PCDHGB1: variants seen among roughly 807,000 people sequenced by gnomAD.
PCDHGB1 encodes the protein protocadherin gamma subfamily B, 1.
In PCDHGB1, 34 loss-of-function variants were observed where a neutral mutation model predicts 56.6. That is an observed-to-expected ratio of 0.60 (90% CI 0.46 to 0.80). The LOEUF (loss-of-function observed/expected upper bound fraction) is 0.80. Ranked by LOEUF, PCDHGB1 falls within the 30% of genes least tolerant of loss-of-function variation. PCDHGB1 has a pLI of 0.00. For synonymous variants in PCDHGB1, 561 were observed against 505.9 expected (o/e 1.11, Z -1.46); for missense variants, 1,278 against 1,204.6 (o/e 1.06, Z -0.90).
intron 1 of PCDHGB1, among the ~76,000 whole-genome samples, chr5:141,363,900 A>G (rs1443403016): frequency 6.6e-6 from 1 of 152,258 alleles, no homozygotes; most frequent in Non-Finnish European, 1.5e-5. Flanking sequence ...CCGATGACGC[A>G]TTAAATAAAA....
At chr5:141,359,254 A>C (rs1276865273) in intron 1 of PCDHGB1, among the ~76,000 whole-genome samples, 3 of 152,162 alleles carry the variant, frequency 2.0e-5, no homozygotes, top group Non-Finnish European at 4.4e-5. Flanking sequence ...TTAAGCCATA[A>C]AATATAATTT....
intron 1 of PCDHGB1, chr5:141,389,990 C>A (rs2091998485): frequency 6.2e-7 from 1 of 1,613,926 alleles, no homozygotes; most frequent in African/African-American, 1.3e-5. Flanking sequence ...TGCTCTTCCT[C>A]GTGGCCATGA....
chr5:141,410,847 G>GTAT, intron 1 of PCDHGB1: 2 of 158,246 alleles, frequency 1.3e-5, no homozygotes, highest in Non-Finnish European at 1.0e-5. Context: ...TTTTGTCTTT[G>GTAT]TCTTTTTTTT....
At chr5:141,402,407 A>G (rs1365068565) in intron 1 of PCDHGB1, among the ~76,000 whole-genome samples, 1 of 152,106 alleles carries the variant, frequency 6.6e-6, no homozygotes, top group African/African-American at 2.4e-5. Context: ...AATTGTTAAG[A>G]TACACAGAAA....
chr5:141,369,651 A>C (rs562787182), intron 1 of PCDHGB1, among the ~76,000 whole-genome samples: 2 of 152,378 alleles, frequency 1.3e-5, no homozygotes, highest in South Asian at 4.1e-4. Context: ...GGGGGGAGAT[A>C]ATAAAGATAA....
At position 141,487,763 on chromosome 5, in the gene PCDHGB1, G is replaced by A; in HGVS notation, c.2410-7044G>A. ...AAGAGGTAACTATGTGGTAGACGCT[G>A]TGCTTTGTAACTGTTTCGTGAATTA... On this transcript the variant is annotated intron_variant, in intron 1 of 3. Coordinates refer to ENST00000523390, the MANE Select transcript of PCDHGB1 (RefSeq NM_018922.3). This position sits in a 1 kb window ranked among gnomAD's most constrained non-coding sequence, Gnocchi z 5.0. 6.5e-7 allele frequency: 1 copy of A among 1,544,968 alleles called. No homozygotes were observed. The highest frequency in any genetic ancestry group is 1.2e-5 in the South Asian group (1 of 83,382).
At chr5:141,398,550 A>G (rs1390355431) in intron 1 of PCDHGB1, 2 of 1,613,816 alleles carry the variant, frequency 1.2e-6, no homozygotes, top group Non-Finnish European at 1.7e-6. Context: ...TTGAGCTGCA[A>G]ATAAGTGAGT....
chr5:141,374,683 G>A (rs757439486), intron 1 of PCDHGB1: 3 of 1,609,586 alleles, frequency 1.9e-6, no homozygotes, highest in South Asian at 2.2e-5. Flanking sequence ...AGGGCACACT[G>A]GACCGGGAAG....
Position 141,352,112 on chromosome 5 carries a change from C to T in PCDHGB1, c.1852C>T (p.Arg618Cys). The part of the protein sequence containing the change: ...SEPGLFSLGL[R>C]TGEVRTARAL... ...GCCCGGGCTCTTCAGCCTGGGGTTG[C>T]GCACGGGTGAGGTGCGCACAGCGCG... Residue 618 changes from arginine to cysteine, a missense_variant, in exon 1 of 4, where the codon CGC (arginine) becomes TGC (cysteine). Physicochemically the swap from Arg to Cys is radical, Grantham distance 180 (BLOSUM62 -3). Transcript: ENST00000523390. The T allele has an allele frequency of 6.2e-6, 10 of 1,607,436 alleles. No homozygotes were observed. Among genetic ancestry groups the T allele is most frequent in the Non-Finnish European group, 8.5e-6 (10 of 1,177,760 alleles).
intron 1 of PCDHGB1, chr5:141,415,035 C>G (rs368588973): frequency 5.6e-6 from 9 of 1,613,578 alleles, no homozygotes; most frequent in South Asian, 1.1e-5. Context: ...AGCCGGGACT[C>G]TTCGCGGTGG....
chr5:141,411,766 C>A (rs796623075), intron 1 of PCDHGB1: 1 of 152,454 alleles, frequency 6.6e-6, no homozygotes, highest in South Asian at 2.1e-4. Context: ...CCTGTGGTCT[C>A]AGCTACTCTG....
intron 1 of PCDHGB1, chr5:141,398,860 G>C: frequency 6.2e-7 from 1 of 1,614,010 alleles, no homozygotes; most frequent in South Asian, 1.1e-5. Flanking sequence ...ATTCAACCGA[G>C]ACGTGTACAG....
chr5:141,420,357 CT>C, intron 1 of PCDHGB1: 1 of 1,376,278 alleles, frequency 7.3e-7, no homozygotes, highest in Non-Finnish European at 9.6e-7. Context: ...TTTTAAGATT[CT>C]AGATAACTTC....
At position 141,361,753 on chromosome 5, in the gene PCDHGB1, C is replaced by T. The variant is rs867300668; in HGVS notation, c.2409+9084C>T. Reference sequence around the variant, plus strand: ...ACTGCAGGCCCGCGACCAGGGCTCGCCCGCGCTCAGCGCCAACGTGAGCCT... The same window carrying T: ...ACTGCAGGCCCGCGACCAGGGCTCGTCCGCGCTCAGCGCCAACGTGAGCCT... On this transcript the variant is annotated intron_variant, in intron 1 of 3. Transcript: ENST00000523390. 3.7e-6 allele frequency: 6 copies of T among 1,613,058 alleles called. No individual in the cohort carries two copies. The East Asian group carries it at 1.3e-4, about 36-fold the overall frequency.
At chr5:141,461,441 T>A (rs959248029) in intron 1 of PCDHGB1, among the ~76,000 whole-genome samples, 7 of 152,194 alleles carry the variant, frequency 4.6e-5, no homozygotes, top group Admixed American at 4.6e-4. Flanking sequence ...TACCTTCTTT[T>A]GAGAAATGGC....
chr5:141,398,476 T>C (rs756685671), intron 1 of PCDHGB1: 1 of 1,607,694 alleles, frequency 6.2e-7, no homozygotes. Flanking sequence ...ACTGAACTTT[T>C]ATCACGTGAA....
At position 141,490,558 on chromosome 5, in the gene PCDHGB1, A is replaced by G. The variant is rs765890709; in HGVS notation, c.2410-4249A>G. 3.1e-5 allele frequency: 50 copies of G among 1,614,042 alleles called. No individual in the cohort carries two copies. The East Asian group carries it at 1.0e-3, about 34-fold the overall frequency. ...ACCTTCCCTACACAAACATCTCACC[A>G]TCAGGCTCAACATTTCAGATGTCAA... On this transcript the variant is annotated intron_variant, in intron 1 of 3. Transcript: ENST00000523390. This position sits in a 1 kb window ranked among gnomAD's most constrained non-coding sequence, Gnocchi z 5.4.
intron 1 of PCDHGB1, chr5:141,427,265 C>T (rs767369457): frequency 6.1e-5 from 28 of 456,570 alleles, no homozygotes; most frequent in Non-Finnish European, 1.1e-4. Context: ...GCATGACCAG[C>T]GAATGTAAAA....
At chr5:141,472,058 C>T (rs149583469) in intron 1 of PCDHGB1, among the ~76,000 whole-genome samples, 114 of 152,176 alleles carry the variant, frequency 7.5e-4, no homozygotes, top group African/African-American at 2.6e-3. Context: ...AAATGATTGA[C>T]ATGTCTGTGG....
Sources: gnomAD v4.1 joint callset for allele counts (sites outside exome capture counted in the v4.1 genomes callset) on GRCh38, gnomAD v4.1.1 for gene constraint, Gnocchi (gnomAD v3.1) non-coding constraint, MANE v1.5 for transcripts, NCBI Gene and HGNC (gene_info 2026-07-23, HGNC 2026-07-21) for gene names.